The following DNAI7 variants were observed in gnomAD, a reference collection of about 807,000 sequenced individuals.
The protein encoded by DNAI7 is dynein axonemal intermediate chain 7.
DNAI7 carries 78 observed loss-of-function variants against 86.6 expected under a neutral mutation model. The ratio of observed to expected loss-of-function variants is 0.90; its 90% CI spans 0.75 to 1.09. The LOEUF is 1.09. DNAI7 is among the 50% of genes least tolerant of loss of function. The probability of loss-of-function intolerance (pLI) is 0.00; values close to 1 mark genes in which losing one functional copy is unlikely to be tolerated. For missense variants in DNAI7, 753 were observed against 810.2 expected, an observed-to-expected ratio of 0.93 and a Z score of 0.86; for synonymous variants, 274 against 273.0, an observed-to-expected ratio of 1.00 and a Z score of -0.04.
intron 3 of DNAI7, among the ~76,000 whole-genome samples, chr12:25,159,120 T>C (rs910745231): frequency 6.6e-6 from 1 of 152,228 alleles, no homozygotes; most frequent in Non-Finnish European, 1.5e-5. Flanking sequence ...CATGCTACTA[T>C]AAAGACACAT....
chr12:25,117,994 C>T (rs1356445058), intron 12 of DNAI7, among the ~76,000 whole-genome samples: 1 of 139,998 alleles, frequency 7.1e-6, no homozygotes, highest in Non-Finnish European at 1.5e-5. Context: ...AGTGCAGTGG[C>T]GCAATCTCGG....
chr12:25,192,076 T>A (rs1950575936), intron 1 of DNAI7, among the ~76,000 whole-genome samples: 2 of 152,234 alleles, frequency 1.3e-5, no homozygotes, highest in South Asian at 4.1e-4. Context: ...TCGGCAGATA[T>A]TAATTAATGA....
chr12:25,114,898 T>G (rs751574717), intron 12 of DNAI7, 28 bp from the exon 13 acceptor site: 1 of 1,508,316 alleles, frequency 6.6e-7, no homozygotes, highest in East Asian at 2.3e-5. Flanking sequence ...AAAGTGACAC[T>G]AGTTTCATTT....
At chr12:25,121,703 A>C in intron 11 of DNAI7, 50 bp downstream of exon 11, 1 of 1,418,298 alleles carries the variant, frequency 7.1e-7, no homozygotes, top group Non-Finnish European at 9.8e-7. Flanking sequence ...ATAAAGTAAA[A>C]GCGTGAGCAA....
chr12:25,156,933 C>A (rs1946244580), intron 4 of DNAI7, among the ~76,000 whole-genome samples: 1 of 151,920 alleles, frequency 6.6e-6, no homozygotes, highest in South Asian at 2.1e-4. Flanking sequence ...TAAGATAGAT[C>A]AATGTTTTAA....
chr12:25,190,657 G>T (rs778050437), intron 1 of DNAI7, 26 bp from the exon 2 acceptor site: 3 of 1,354,214 alleles, frequency 2.2e-6, no homozygotes, highest in African/African-American at 3.0e-5. Flanking sequence ...CAAAAGAATT[G>T]ATCAATTTTA....
rs576913250 is a variant in DNAI7, at chr12:25,158,178, A to G, written c.198+294T>C. The stretch of plus-strand genomic sequence containing the variant: ...CAGGAGGCGGAGCTTGCAGTGAGCC[A>G]AGATCACACCACTGCACTCCAGCCT... On this transcript the variant is annotated intron_variant, in intron 4 of 15. Transcript: ENST00000395987. 8.5e-5 allele frequency among the ~76,000 whole-genome samples: 13 copies of G among 152,166 alleles called. No homozygotes were observed. The East Asian group carries it at 9.7e-4, about 11-fold the overall frequency.
intron 15 of DNAI7, 120 bp downstream of exon 15, chr12:25,110,007 G>A (rs1369844011): frequency 3.3e-6 from 2 of 615,024 alleles, no homozygotes; most frequent in Non-Finnish European, 5.7e-6. Flanking sequence ...ATTCCGTATT[G>A]AATGTTAATT....
chr12:25,140,701 GA>G (rs139338130), intron 9 of DNAI7, among the ~76,000 whole-genome samples: 9 of 150,944 alleles, frequency 6.0e-5, no homozygotes, highest in South Asian at 2.1e-4. Flanking sequence ...CATGGAACTA[GA>G]AAAAAAAATC....
intron 2 of DNAI7, among the ~76,000 whole-genome samples, chr12:25,179,465 A>G (rs775665222): frequency 1.3e-5 from 2 of 152,148 alleles, no homozygotes; most frequent in African/African-American, 4.8e-5. Context: ...ATCTTCCACT[A>G]TGATTGTGGA....
intron 12 of DNAI7, among the ~76,000 whole-genome samples, chr12:25,116,992 G>A (rs943903437): frequency 6.6e-6 from 1 of 151,912 alleles, no homozygotes; most frequent in African/African-American, 2.4e-5. Flanking sequence ...TGAGTGCTGG[G>A]GCATGATCAC....
At chr12:25,165,910 G>A (rs925732532) in intron 2 of DNAI7, among the ~76,000 whole-genome samples, 13 of 152,066 alleles carry the variant, frequency 8.5e-5, no homozygotes, top group Middle Eastern at 3.2e-3. Flanking sequence ...TTATTAGGCC[G>A]AGACACTTAA....
intron 9 of DNAI7, among the ~76,000 whole-genome samples, chr12:25,133,571 T>G (rs560629043): frequency 6.6e-6 from 1 of 152,352 alleles, no homozygotes; most frequent in Admixed American, 6.5e-5. Flanking sequence ...TTCCCCCTCC[T>G]GCCCTGGCAC....
At chr12:25,110,331 G>A in intron 14 of DNAI7, 91 bp from the exon 15 acceptor site, 1 of 712,434 alleles carries the variant, frequency 1.4e-6, no homozygotes, top group East Asian at 2.5e-5. Context: ...TTTCAACACA[G>A]ACGGATCCAC....
chr12:25,180,022 G>A (rs1245805253), intron 2 of DNAI7, among the ~76,000 whole-genome samples: 1 of 152,156 alleles, frequency 6.6e-6, no homozygotes, highest in Non-Finnish European at 1.5e-5. Context: ...CTGACAACAT[G>A]ATCCTATGCC....
At chr12:25,175,115 T>C (rs1337542530) in intron 2 of DNAI7, among the ~76,000 whole-genome samples, 2 of 151,940 alleles carry the variant, frequency 1.3e-5, no homozygotes, top group Non-Finnish European at 1.5e-5. Flanking sequence ...TATGAAAAAA[T>C]AAAATTTAAA....
At chr12:25,153,834 G>A (rs1945847608) in intron 6 of DNAI7, among the ~76,000 whole-genome samples, 1 of 151,750 alleles carries the variant, frequency 6.6e-6, no homozygotes, top group Non-Finnish European at 1.5e-5. Context: ...GTATTTTTAA[G>A]TGCATTGTAA....
Position 25,112,568 on chromosome 12 carries a change from G to A in DNAI7, c.1612-629C>T, listed in dbSNP as rs545525052. Reference sequence around the variant, plus strand: ...ACTACAGGCGCCCACCACCACACCCGGCTAATTTTTTGTATTTTTAGTAGA... The same window carrying A: ...ACTACAGGCGCCCACCACCACACCCAGCTAATTTTTTGTATTTTTAGTAGA... On this transcript the variant is annotated intron_variant, in intron 13 of 15. Coordinates refer to ENST00000395987, the MANE Select transcript of DNAI7 (RefSeq NM_018272.5). Among the ~76,000 whole-genome samples the A allele has an allele frequency of 1.7e-3, 261 of 151,596 alleles. 2 individuals are homozygous for A. Among genetic ancestry groups the A allele is most frequent in the Admixed American group, 7.6e-3 (115 of 15,222 alleles).
intron 13 of DNAI7, among the ~76,000 whole-genome samples, chr12:25,112,452 G>A (rs1335450098): frequency 1.5e-5 from 2 of 136,714 alleles, no homozygotes; most frequent in Non-Finnish European, 3.0e-5. Flanking sequence ...TGTCGCCCAG[G>A]CTGGAGTGCA....
Sources: gnomAD v4.1 joint callset for allele counts (sites outside exome capture counted in the v4.1 genomes callset) on GRCh38, gnomAD v4.1.1 for gene constraint, MANE v1.5 for transcripts, NCBI Gene and HGNC (gene_info 2026-07-23, HGNC 2026-07-21) for gene names.